The following RAB27A variants were observed in gnomAD, a reference collection of about 807,000 sequenced individuals.
The protein encoded by RAB27A is RAB27A, member RAS oncogene family.
In RAB27A, 17 loss-of-function variants were observed where a neutral mutation model predicts 20.8. The observed-to-expected ratio is 0.82, with a 90% CI of 0.56 to 1.23. The LOEUF (loss-of-function observed/expected upper bound fraction) is 1.23, where lower values mean the gene tolerates loss of function less well. Among genes scored for constraint, RAB27A ranks in the 50% most tolerant of loss-of-function variants. The pLI is 0.00. For missense variants in RAB27A, 277 were observed against 266.7 expected (o/e 1.04, Z -0.27); for synonymous variants, 85 against 92.8 (o/e 0.92, Z 0.48).
chr15:55,203,407 C>T lies in RAB27A; in HGVS notation c.*2100G>A, dbSNP rs1894485395. The T allele has an allele frequency of 6.7e-6, 1 of 149,320 alleles. No individual in the cohort carries two copies. Among genetic ancestry groups the T allele is most frequent in the Admixed American group, 6.6e-5 (1 of 15,038 alleles). The allele number at this position is 149,320 out of a possible 1,614,324, so 9.2% of individuals were successfully genotyped here. ...AAGGCACTGCTGTGTGATTATGACC[C>T]TGCTCTTTTTTTTTTTTTTTTTTTT... On this transcript the variant is annotated 3_prime_UTR_variant, in exon 7 of 7. Coordinates refer to ENST00000336787, the MANE Select transcript of RAB27A (RefSeq NM_183235.3).
chr15:55,296,095 C>T (rs1224355856), intron 2 of RAB27A, among the ~76,000 whole-genome samples: 1 of 151,510 alleles, frequency 6.6e-6, no homozygotes, highest in Non-Finnish European at 1.5e-5. Context: ...GGGGTTCCAC[C>T]ATGTTGGCCA....
At position 55,262,348 on chromosome 15, in the gene RAB27A, T is replaced by C. The variant is rs888783608; in HGVS notation, c.-23+7817A>G. 5.9e-5 allele frequency among the ~76,000 whole-genome samples: 9 copies of C among 152,122 alleles called. No homozygotes were observed. The South Asian group carries it at 6.2e-4, about 11-fold the overall frequency. On this transcript the variant is annotated intron_variant, in intron 2 of 6. Transcript: ENST00000336787. ...CAATGTCAGGAGATCCAGACCATCC[T>C]GGCTAACACAGTGAAACCTCGTCTC... is the stretch of plus-strand genomic sequence containing the variant.
chr15:55,255,857 G>A (rs1897059400), intron 2 of RAB27A, among the ~76,000 whole-genome samples: 1 of 152,158 alleles, frequency 6.6e-6, no homozygotes, highest in Non-Finnish European at 1.5e-5. Flanking sequence ...TACACCATGT[G>A]CACCAGCCAG....
chr15:55,316,512 G>A (rs1364599846), intron 1 of RAB27A, among the ~76,000 whole-genome samples: 2 of 151,338 alleles, frequency 1.3e-5, no homozygotes, highest in Non-Finnish European at 2.9e-5. Flanking sequence ...CGGGTTGACA[G>A]GTGCAGCAAA....
At chr15:55,256,817 A>G (rs1897096210) in intron 2 of RAB27A, among the ~76,000 whole-genome samples, 1 of 152,174 alleles carries the variant, frequency 6.6e-6, no homozygotes, top group Non-Finnish European at 1.5e-5. Flanking sequence ...AAGAGGTTTG[A>G]CCACAATGGT....
chr15:55,212,690 C>T (rs899833469), intron 6 of RAB27A, among the ~76,000 whole-genome samples: 3 of 152,074 alleles, frequency 2.0e-5, no homozygotes, highest in Non-Finnish European at 2.9e-5. Context: ...CCACCACGCC[C>T]GTTTAATTTT....
upstream of RAB27A, chr15:55,290,395 T>A (rs1294891663): frequency 6.6e-6 from 1 of 152,210 alleles, no homozygotes; most frequent in East Asian, 1.9e-4. Flanking sequence ...TGCCCAGGAT[T>A]CCTGGAAATA....
chr15:55,319,049 G>T (rs2141153755), exon 1 of RAB27A: 1 of 612,826 alleles, frequency 1.6e-6, no homozygotes, highest in East Asian at 3.1e-5. Context: ...CCAAGCCAAA[G>T]GCGAGTAGCA....
chr15:55,280,301 T>G (rs549367424), intron 1 of RAB27A, among the ~76,000 whole-genome samples: 1 of 152,084 alleles, frequency 6.6e-6, no homozygotes, highest in South Asian at 2.1e-4. Flanking sequence ...ATGAGACATA[T>G]GATCTCTTCC....
chr15:55,291,684 C>G (rs185723019), upstream of RAB27A, among the ~76,000 whole-genome samples: 1 of 152,128 alleles, frequency 6.6e-6, no homozygotes, highest in African/African-American at 2.4e-5. Flanking sequence ...TTTCCCCACT[C>G]CTGTGGCCAG....
chr15:55,252,338 T>G (rs1342980573), intron 2 of RAB27A, among the ~76,000 whole-genome samples: 1 of 152,234 alleles, frequency 6.6e-6, no homozygotes, highest in Non-Finnish European at 1.5e-5. Context: ...ATACAGTGGC[T>G]CACACTTGTA....
intron 2 of RAB27A, among the ~76,000 whole-genome samples, chr15:55,263,290 T>A (rs1225644369): frequency 6.6e-6 from 1 of 152,108 alleles, no homozygotes; most frequent in African/African-American, 2.4e-5. Context: ...AAATACCTAA[T>A]AGGTGCCAGG....
intron 2 of RAB27A, among the ~76,000 whole-genome samples, chr15:55,236,371 TCTCTAGAGTATCACTG>T (rs1449383216): frequency 6.6e-6 from 1 of 152,092 alleles, no homozygotes; most frequent in Non-Finnish European, 1.5e-5. Flanking sequence ...AAGCCAGACT[TCTCTAGAGTATCACTG>T]CTCACTTGGG....
At chr15:55,218,486 A>G (rs937406335) in intron 6 of RAB27A, among the ~76,000 whole-genome samples, 12 of 152,248 alleles carry the variant, frequency 7.9e-5, no homozygotes, top group African/African-American at 2.7e-4. Flanking sequence ...ACCGCATTTC[A>G]TCTAGTTCAA....
chr15:55,218,683 C>T (rs540303847), intron 6 of RAB27A, among the ~76,000 whole-genome samples: 30 of 152,200 alleles, frequency 2.0e-4, no homozygotes, highest in Admixed American at 4.6e-4. Context: ...AATTTGCTGC[C>T]CATTTCTTTG....
At position 55,214,211 on chromosome 15, in the gene RAB27A, C is replaced by T. The variant is rs185936889; in HGVS notation, c.468-8506G>A. 5.7e-3 allele frequency among the ~76,000 whole-genome samples: 870 copies of T among 152,194 alleles called. 4 individuals are homozygous for T. Among genetic ancestry groups the T allele is most frequent in the African/African-American group, 0.012 (511 of 41,498 alleles). On this transcript the variant is annotated intron_variant, in intron 6 of 6. Transcript: ENST00000336787. ...CAGCACTTTGGGAGGCCAAGGCGGG[C>T]GGATCACGAAGTCGGGAGATCGAGA...
chr15:55,236,403 A>C (rs1896260026), intron 2 of RAB27A, among the ~76,000 whole-genome samples: 1 of 152,142 alleles, frequency 6.6e-6, no homozygotes. Context: ...TTGGGAACTG[A>C]GTTCCAGATT....
At chr15:55,276,250 G>A (rs148845957) in intron 1 of RAB27A, among the ~76,000 whole-genome samples, 2 of 151,828 alleles carry the variant, frequency 1.3e-5, no homozygotes, top group East Asian at 3.9e-4. Flanking sequence ...AAGAAAATGT[G>A]GTCTATACAT....
At chr15:55,286,456 T>C (rs533684069) in intron 1 of RAB27A, among the ~76,000 whole-genome samples, 1 of 152,070 alleles carries the variant, frequency 6.6e-6, no homozygotes, top group Admixed American at 6.5e-5. Flanking sequence ...CAGAAAATGA[T>C]GGGATAGGTG....
Sources: allele counts gnomAD v4.1 joint callset (sites outside exome capture counted in the v4.1 genomes callset), GRCh38; gene constraint gnomAD v4.1.1; transcripts MANE v1.5; gene names NCBI Gene and HGNC (gene_info 2026-07-23, HGNC 2026-07-21).